Variants in ELMO2 observed in about 807,000 individuals in gnomAD.
ELMO2 encodes engulfment and cell motility 2.
A neutral mutation model predicts 96.2 loss-of-function variants in ELMO2; 37 were observed. The observed-to-expected ratio is 0.38, with a 90% CI of 0.30 to 0.51. ELMO2 has a LOEUF of 0.51. Among genes scored for constraint, ELMO2 ranks in the 20% least tolerant of loss-of-function variants. The pLI is 0.88. For missense variants in ELMO2, 561 were observed against 912.6 expected (o/e 0.61, Z 4.96); for synonymous variants, 315 against 329.4 (o/e 0.96, Z 0.47).
In ELMO2 at chr20:46,403,186, T is replaced by C. The variant is rs148555665; in HGVS notation, c.-126+3362A>G. On this transcript the variant is annotated intron_variant, in intron 1 of 21. Transcript: ENST00000290246. ...ACCTGCTAGGCAGGTATGTTGTGTA[T>C]TGTTGACAAAATAAGAGAGCATATG... Among the ~76,000 whole-genome samples, 98 of 152,330 alleles carry C rather than the reference T, an allele frequency of 6.4e-4. 1 individual carries two copies. The East Asian group carries it at 0.018, about 29-fold the overall frequency.
intron 1 of ELMO2, among the ~76,000 whole-genome samples, chr20:46,405,310 C>A (rs565260409): frequency 1.3e-5 from 2 of 152,186 alleles, no homozygotes; most frequent in East Asian, 3.9e-4. Context: ...AAGCGGAGAT[C>A]TGAAGGATGA....
chr20:46,388,458 T>A (rs968004459), intron 7 of ELMO2, among the ~76,000 whole-genome samples: 1 of 152,228 alleles, frequency 6.6e-6, no homozygotes, highest in Non-Finnish European at 1.5e-5. Flanking sequence ...GCCCACCGCA[T>A]GCATGTGAAC....
Position 46,390,114 on chromosome 20 carries a change from C to T in ELMO2, c.244-894G>A, listed in dbSNP as rs1048369215. On this transcript the variant is annotated intron_variant, in intron 6 of 21. Coordinates refer to ENST00000290246, the MANE Select transcript of ELMO2 (RefSeq NM_133171.5). ...GCTGCAGTGAGCCAAGATCATGCCA[C>T]TGCACTCCAGCCTGGGCAACAGAGT... Among the ~76,000 whole-genome samples, 4 of 152,040 alleles carry T rather than the reference C, an allele frequency of 2.6e-5. No homozygotes were observed. In the East Asian group the frequency reaches 5.8e-4, roughly 22 times the overall value.
intron 8 of ELMO2, 94 bp downstream of exon 8, chr20:46,387,244 C>T (rs2060062620): frequency 9.7e-7 from 1 of 1,035,882 alleles, no homozygotes; most frequent in Non-Finnish European, 1.4e-6. Flanking sequence ...TAAAGCTGAT[C>T]TCACCAGAAT....
At position 46,380,270 on chromosome 20, in the gene ELMO2, G is replaced by T. The variant is rs1166553619; in HGVS notation, c.790C>A (p.Arg264=). ...GAACTCACATTCAGGATTATAGACC[G>T]GAGATGCTTCTGTGCAAATGCATTT... is the stretch of plus-strand genomic sequence containing the variant. The part of the protein sequence containing the change: ...MANAFAQKHL[R]SIILNHVIRG... The change falls in exon 11 of 22, where the codon CGG becomes AGG. Residue 264 remains arginine, a synonymous_variant. Coordinates refer to ENST00000290246, the MANE Select transcript of ELMO2 (RefSeq NM_133171.5). 6.2e-7 allele frequency: 1 copy of T among 1,613,460 alleles called. No individual in the cohort carries two copies.
chr20:46,406,387 G>A (rs980199040), intron 1 of ELMO2, among the ~76,000 whole-genome samples, 161 bp downstream of exon 1: 2 of 152,188 alleles, frequency 1.3e-5, no homozygotes, highest in African/African-American at 2.4e-5. Context: ...GGGGCCTGAC[G>A]AGCCGGCGCG....
intron 11 of ELMO2, chr20:46,376,598 C>T: frequency 7.8e-7 from 1 of 1,287,014 alleles, no homozygotes; most frequent in Non-Finnish European, 1.0e-6. Flanking sequence ...CCTAGCTGAT[C>T]AACCCTTGAT....
chr20:46,374,714 C>T (rs2059820223), intron 13 of ELMO2, 74 bp from the exon 14 acceptor site: 13 of 1,307,934 alleles, frequency 9.9e-6, no homozygotes, highest in East Asian at 2.4e-5. Context: ...GATGCCCTCT[C>T]GCCTCTCCTC....
intron 2 of ELMO2, among the ~76,000 whole-genome samples, chr20:46,395,222 T>C (rs1172395939): frequency 1.3e-5 from 2 of 152,150 alleles, no homozygotes; most frequent in Non-Finnish European, 2.9e-5. Context: ...GCTTTGCAAG[T>C]ACCTCTGACC....
chr20:46,403,481 T>C (rs189912245), intron 1 of ELMO2, among the ~76,000 whole-genome samples: 147 of 152,338 alleles, frequency 9.6e-4, no homozygotes, highest in Non-Finnish European at 1.3e-3. Flanking sequence ...GCAGCCTCCA[T>C]GTAGGGTCTG....
At chr20:46,367,596 C>G (rs374624401) in intron 21 of ELMO2, 36 bp from the exon 22 acceptor site, 8 of 1,547,858 alleles carry the variant, frequency 5.2e-6, no homozygotes, top group African/African-American at 2.8e-5. Context: ...CACATCGTGA[C>G]CCCTGGTCAG....
intron 6 of ELMO2, chr20:46,390,758 G>C (rs1280479690): frequency 1.3e-5 from 2 of 152,206 alleles, no homozygotes; most frequent in Non-Finnish European, 1.5e-5. Flanking sequence ...TGTTAAGCAA[G>C]TGACTGGAGC....
At chr20:46,395,361 A>ATTCTCTCTC (rs1462370029) in intron 2 of ELMO2, among the ~76,000 whole-genome samples, 1 of 152,228 alleles carries the variant, frequency 6.6e-6, no homozygotes, top group Non-Finnish European at 1.5e-5. Context: ...TAACTAAAGC[A>ATTCTCTCTC]TTCTCTCTCC....
chr20:46,386,123 CACCTGGAGGTGTGAGATG>C lies in ELMO2; in HGVS notation c.660_677del (p.Ile221_Val226del). ...AGGGAGGTGTAGGGTTTTTTACTCA[CACCTGGAGGTGTGAGATG>C]AGCTGTCCCACGGTGATTTCCTCGG... On this transcript the variant is annotated inframe_deletion and splice_region_variant, in exon 9 of 22. Transcript: ENST00000290246. The C allele has an allele frequency of 6.2e-7, 1 of 1,613,826 alleles. No homozygotes were observed. The highest frequency in any genetic ancestry group is 8.5e-7 in the Non-Finnish European group (1 of 1,179,820).
rs766239453 is a variant in ELMO2 at position 46,393,585 on chromosome 20, G to A, written c.136C>T (p.Pro46Ser). ...EVCDGWSLPN[P>S]EYYTLRYADG... ...GCATAACGGAGGGTATAATACTCTG[G>A]GTTTGGCAACGACCACCTATGCAAG... Residue 46 changes from proline to serine, a missense_variant, in exon 5 of 22, where the codon CCA (proline) becomes TCA (serine). Coordinates refer to ENST00000290246, the MANE Select transcript of ELMO2 (RefSeq NM_133171.5). 1 of 1,613,816 alleles carries A rather than the reference G, an allele frequency of 6.2e-7. No homozygotes were observed. The highest frequency in any genetic ancestry group is 8.5e-7 in the Non-Finnish European group (1 of 1,180,020).
At chr20:46,394,602 A>G (rs771828980) in intron 2 of ELMO2, 70 bp from the exon 3 acceptor site, 1 of 1,188,832 alleles carries the variant, frequency 8.4e-7, no homozygotes, top group Non-Finnish European at 1.2e-6. Context: ...ACATGTTTTG[A>G]AGAGTTTGAA....
At position 46,367,306 on chromosome 20, in the gene ELMO2, T is replaced by C; in HGVS notation, c.*54A>G. ...AGACAAGGCACCAGAATGTAAGTGT[T>C]TCTCCTGGGCCCAAAATCCCTTCTC... On this transcript the variant is annotated 3_prime_UTR_variant, in exon 22 of 22. Coordinates refer to ENST00000290246, the MANE Select transcript of ELMO2 (RefSeq NM_133171.5). 7.1e-7 allele frequency: 1 copy of C among 1,400,538 alleles called. No homozygotes were observed. The highest frequency in any genetic ancestry group is 1.5e-5 in the South Asian group (1 of 64,548). 86.8% of individuals were successfully genotyped at this position (1,400,538 alleles called of 1,614,324 possible).
At position 46,375,540 on chromosome 20, in the gene ELMO2, A is replaced by T. The variant is rs1197577961; in HGVS notation, c.930+128T>A. 6.6e-7 allele frequency: 1 copy of T among 1,512,282 alleles called. No homozygotes were observed. The highest frequency in any genetic ancestry group is 9.0e-7 in the Non-Finnish European group (1 of 1,109,588). The allele number at this position is 1,512,282 out of a possible 1,614,324, so 93.7% of individuals were successfully genotyped here. ...ATGGGCTTGGCTCATGGTGCAGATC[A>T]TGCTAGATTTTCTAGGGCAGATGCA... On this transcript the variant is annotated intron_variant, in intron 12 of 21. Coordinates refer to ENST00000290246, the MANE Select transcript of ELMO2 (RefSeq NM_133171.5). The surrounding 1 kb of genome is among the most constrained non-coding windows in gnomAD (Gnocchi z 4.6).
At chr20:46,395,308 G>A (rs1294228212) in intron 2 of ELMO2, among the ~76,000 whole-genome samples, 1 of 152,152 alleles carries the variant, frequency 6.6e-6, no homozygotes, top group Non-Finnish European at 1.5e-5. Flanking sequence ...CCATGTGACT[G>A]GTATCCTAGG....
Sources: gnomAD v4.1 joint callset for allele counts (sites outside exome capture counted in the v4.1 genomes callset) on GRCh38, gnomAD v4.1.1 for gene constraint, Gnocchi (gnomAD v3.1) non-coding constraint, MANE v1.5 for transcripts, NCBI Gene and HGNC (gene_info 2026-07-23, HGNC 2026-07-21) for gene names.